Variants in ZNF385D observed in about 807,000 individuals in gnomAD.
ZNF385D encodes zinc finger protein 385D, also known as zinc finger protein 659.
A neutral mutation model predicts 35.8 loss-of-function variants in ZNF385D; 15 were observed. That is an observed-to-expected ratio of 0.42 (90% CI 0.28 to 0.64). ZNF385D has a LOEUF of 0.64. Among genes scored for constraint, ZNF385D ranks in the 30% least tolerant of loss-of-function variants. The pLI, the probability that ZNF385D is intolerant of heterozygous loss-of-function variation, is 0.23. For missense variants in ZNF385D, 474 were observed against 494.6 expected, an observed-to-expected ratio of 0.96 and a Z score of 0.39; for synonymous variants, 212 against 186.8, an observed-to-expected ratio of 1.13 and a Z score of -1.10.
At chr3:22,117,578 T>A (rs1702877235) in intron 3 of ZNF385D, among the ~76,000 whole-genome samples, 3 of 151,944 alleles carry the variant, frequency 2.0e-5, no homozygotes, top group Admixed American at 2.0e-4. Flanking sequence ...TCCACTATTT[T>A]TTTTTTACAA....
At chr3:22,319,848 A>C (rs1012570140) in intron 2 of ZNF385D, among the ~76,000 whole-genome samples, 1 of 151,920 alleles carries the variant, frequency 6.6e-6, no homozygotes, top group South Asian at 2.1e-4. Context: ...CAACTTCTGA[A>C]AATTTTTTTT....
chr3:21,941,429 C>A (rs936901358), intron 3 of ZNF385D, among the ~76,000 whole-genome samples: 2 of 151,340 alleles, frequency 1.3e-5, no homozygotes, highest in Non-Finnish European at 2.9e-5. Context: ...CAATGATCTA[C>A]CAAGTATAGT....
intron 3 of ZNF385D, among the ~76,000 whole-genome samples, chr3:21,888,921 G>C (rs1451942388): frequency 6.6e-6 from 1 of 152,178 alleles, no homozygotes; most frequent in Non-Finnish European, 1.5e-5. Context: ...TTAGAAGATG[G>C]TATCAGAAAA....
At chr3:21,883,623 A>T (rs1004167496) in intron 3 of ZNF385D, among the ~76,000 whole-genome samples, 9 of 152,050 alleles carry the variant, frequency 5.9e-5, no homozygotes, top group Non-Finnish European at 1.0e-4. Flanking sequence ...GGTTTAAAGA[A>T]ATTTGCTGGA....
At chr3:22,302,407 T>C (rs1326796633) in intron 2 of ZNF385D, among the ~76,000 whole-genome samples, 2 of 151,646 alleles carry the variant, frequency 1.3e-5, no homozygotes, top group East Asian at 1.9e-4. Flanking sequence ...TATAATTGTA[T>C]TGGTATATGC....
intron 2 of ZNF385D, among the ~76,000 whole-genome samples, chr3:22,321,325 G>A (rs1209349189): frequency 6.6e-6 from 1 of 151,406 alleles, no homozygotes; most frequent in East Asian, 1.9e-4. Flanking sequence ...TACAATTAAT[G>A]GGGGGATTCA....
chr3:21,921,095 C>T (rs1466725530), intron 3 of ZNF385D, among the ~76,000 whole-genome samples: 1 of 151,438 alleles, frequency 6.6e-6, no homozygotes, highest in African/African-American at 2.4e-5. Context: ...TGATGGCGGG[C>T]GCCTGTAGTC....
chr3:22,233,981 T>C (rs1205206970), intron 2 of ZNF385D, among the ~76,000 whole-genome samples: 1 of 152,098 alleles, frequency 6.6e-6, no homozygotes, highest in East Asian at 1.9e-4. Context: ...CCCAGAGTTC[T>C]ACCTCAAAGT....
intron 2 of ZNF385D, among the ~76,000 whole-genome samples, chr3:21,602,512 ATTTTCTTTTTT>A (rs1411656138): frequency 3.3e-5 from 3 of 90,206 alleles, no homozygotes; most frequent in Non-Finnish European, 6.0e-5. Flanking sequence ...GTTTCCCTGC[ATTTTCTTTTTT>A]TTTTTTTTTT....
rs1220230450 is a variant in ZNF385D at position 21,732,034 on chromosome 3, T to G, written c.22+18861A>C. Among the ~76,000 whole-genome samples the G allele has an allele frequency of 3.0e-3, 36 of 11,862 alleles. 16 individuals carry two copies. Among genetic ancestry groups the G allele is most frequent in the African/African-American group, 5.3e-3 (18 of 3,398 alleles). 7.8% of individuals were successfully genotyped at this position (11,862 alleles called of 152,430 possible). A position where few individuals can be genotyped will look rare whatever the true frequency, so the allele number is the denominator to read the frequency against. On this transcript the variant is annotated intron_variant, in intron 1 of 7. Coordinates refer to ENST00000281523, the MANE Select transcript of ZNF385D (RefSeq NM_024697.3). ...GGGTTTTTTTCTTTTTTCGGGGTTT[T>G]TTTTTTTTTTTTTTTTTTTTTTTTT...
At chr3:21,717,319 G>C (rs1317413099) in intron 1 of ZNF385D, among the ~76,000 whole-genome samples, 2 of 152,110 alleles carry the variant, frequency 1.3e-5, no homozygotes, top group African/African-American at 2.4e-5. Context: ...GAGCAGAAAA[G>C]GTATGCACAG....
At chr3:22,284,022 T>G (rs971698681) in intron 2 of ZNF385D, among the ~76,000 whole-genome samples, 1 of 152,104 alleles carries the variant, frequency 6.6e-6, no homozygotes, top group African/African-American at 2.4e-5. Flanking sequence ...TTATGCAGTG[T>G]GGATACTTGG....
intron 2 of ZNF385D, among the ~76,000 whole-genome samples, chr3:22,260,631 C>T (rs548455415): frequency 1.1e-4 from 17 of 152,014 alleles, no homozygotes; most frequent in African/African-American, 3.6e-4. Flanking sequence ...CTACTTAATA[C>T]TGTACAAAGT....
At chr3:21,684,365 CCTCTCTCTCTCTCTCTCTCTCTCTCT>C (rs373105142) in intron 1 of ZNF385D, among the ~76,000 whole-genome samples, 1 of 73,334 alleles carries the variant, frequency 1.4e-5, no homozygotes, top group Non-Finnish European at 2.6e-5. Flanking sequence ...TAACTGTTCT[CCTCTCTCTCTCTCTCTCTCTCTCTCT>C]CTCTCTCTCT....
intron 2 of ZNF385D, among the ~76,000 whole-genome samples, chr3:22,210,781 G>A (rs1171408383): frequency 6.6e-6 from 1 of 151,764 alleles, no homozygotes; most frequent in Non-Finnish European, 1.5e-5. Context: ...TGGAACAAGA[G>A]CTTGTTCCCT....
In ZNF385D at chr3:22,058,456, T is replaced by C. The variant is rs182017603; in HGVS notation, c.325+110361A>G. Among the ~76,000 whole-genome samples, 690 of 152,284 alleles carry C rather than the reference T, an allele frequency of 4.5e-3. 7 individuals are homozygous for C. The highest frequency in any genetic ancestry group is 0.013 in the South Asian group (63 of 4,828). On this transcript the variant is annotated intron_variant, in intron 3 of 5. Transcript: ENST00000494108. ...CCAGCTCTCCCCATTTTATACTTACTCATAGCCTCTTTAGAGAACTGGATA... is the reference window on the plus strand; with the variant it reads ...CCAGCTCTCCCCATTTTATACTTACCCATAGCCTCTTTAGAGAACTGGATA...
At chr3:22,061,622 ACT>A (rs1373816021) in intron 3 of ZNF385D, among the ~76,000 whole-genome samples, 1 of 151,992 alleles carries the variant, frequency 6.6e-6, no homozygotes, top group Non-Finnish European at 1.5e-5. Context: ...ATTTCTTGTC[ACT>A]CTCTTTCAAC....
chr3:22,152,597 T>A (rs1238352932), intron 3 of ZNF385D, among the ~76,000 whole-genome samples: 1 of 152,124 alleles, frequency 6.6e-6, no homozygotes, highest in African/African-American at 2.4e-5. Flanking sequence ...AAGTGCGTCG[T>A]CACTCTAACC....
chr3:21,765,402 G>C (rs975338211), intron 3 of ZNF385D, among the ~76,000 whole-genome samples: 4 of 151,982 alleles, frequency 2.6e-5, no homozygotes, highest in African/African-American at 9.7e-5. Context: ...AAATACACAG[G>C]GCTTTCTCAC....
Sources: gnomAD v4.1 joint callset for allele counts (sites outside exome capture counted in the v4.1 genomes callset) on GRCh38, gnomAD v4.1.1 for gene constraint, MANE v1.5 for transcripts, NCBI Gene and HGNC (gene_info 2026-07-23, HGNC 2026-07-21) for gene names.